The following SPRYD4 variants were observed in gnomAD, a reference collection of about 807,000 sequenced individuals.
SPRYD4 encodes the protein SPRY domain-containing protein 4.
Under a neutral mutation model 16.6 loss-of-function variants are expected in SPRYD4, and 12 were observed. The observed-to-expected ratio is 0.72, with a 90% CI of 0.46 to 1.17. SPRYD4 has a LOEUF of 1.17. Ranked by LOEUF, SPRYD4 falls within the 50% of genes most tolerant of loss-of-function variation. SPRYD4 has a pLI of 0.00. For missense variants in SPRYD4, 260 were observed against 260.2 expected (o/e 1.00, Z 0.00); for synonymous variants, 98 against 105.4 (o/e 0.93, Z 0.43).
rs913277121 is a variant in SPRYD4 at position 56,473,171 on chromosome 12, G to A, written c.*3594G>A. ...CTCAAAGTGCAGGGATTACAGGCGT[G>A]AGCCACCGCACCTGGCCTTTGAAAT... On this transcript the variant is annotated 3_prime_UTR_variant, in exon 2 of 2. Transcript: ENST00000338146. 3.3e-6 allele frequency: 5 copies of A among 1,519,142 alleles called. No homozygotes were observed. Among genetic ancestry groups the A allele is most frequent in the East Asian group, 2.3e-5 (1 of 44,348 alleles). 94.1% of individuals were successfully genotyped at this position (1,519,142 alleles called of 1,614,324 possible). A position where few individuals can be genotyped will look rare whatever the true frequency, so the allele number is the denominator to read the frequency against.
rs952399444 is a variant in SPRYD4 at position 56,472,885 on chromosome 12, C to CTT, written c.*3327_*3328dup. 0.016 allele frequency: 6,238 copies of CTT among 395,864 alleles called. No homozygotes were observed. The highest frequency in any genetic ancestry group is 0.028 in the South Asian group (1,027 of 36,578). The allele number at this position is 395,864 out of a possible 1,614,324, so 24.5% of individuals were successfully genotyped here. ...ATGGAATGTGCTACTCTGAAATATT[C>CTT]TTTTTTTTTTTTTTTTTTTTGAGAC... On this transcript the variant is annotated 3_prime_UTR_variant, in exon 2 of 2. Transcript: ENST00000338146.
In SPRYD4 at chr12:56,473,702, A is replaced by C; in HGVS notation, c.*4125A>C. 7.3e-7 allele frequency: 1 copy of C among 1,363,856 alleles called. No homozygotes were observed. The highest frequency in any genetic ancestry group is 9.8e-7 in the Non-Finnish European group (1 of 1,020,500). 84.5% of individuals were successfully genotyped at this position (1,363,856 alleles called of 1,614,324 possible). ...GTTTACAAATGACTGCATGACCACA[A>C]TCCACCTCAACCTTTTGGCTTGTTA... On this transcript the variant is annotated 3_prime_UTR_variant, in exon 2 of 2. Coordinates refer to ENST00000338146, the MANE Select transcript of SPRYD4 (RefSeq NM_207344.4).
Position 56,473,144 on chromosome 12 carries a change from C to G in SPRYD4, c.*3567C>G. The G allele has an allele frequency of 7.8e-7, 1 of 1,281,722 alleles. No homozygotes were observed. The highest frequency in any genetic ancestry group is 1.1e-6 in the Non-Finnish European group (1 of 890,106). 79.4% of individuals were successfully genotyped at this position (1,281,722 alleles called of 1,614,324 possible). On this transcript the variant is annotated 3_prime_UTR_variant, in exon 2 of 2. Transcript: ENST00000338146. ...GACCTTGTGATCCGCCCGCCTTGGC[C>G]TCTCAAAGTGCAGGGATTACAGGCG... is the stretch of plus-strand genomic sequence containing the variant.
chr12:56,475,709 C>T lies in SPRYD4; in HGVS notation c.*6132C>T. 6.2e-7 allele frequency: 1 copy of T among 1,613,322 alleles called. No homozygotes were observed. Among genetic ancestry groups the T allele is most frequent in the Non-Finnish European group, 8.5e-7 (1 of 1,179,292 alleles). ...TGGAAGAGAAAAAGGGACATTGAGGCTCCACTTGGTTAAGAAGCTCTATTA... is the reference window on the plus strand; with the variant it reads ...TGGAAGAGAAAAAGGGACATTGAGGTTCCACTTGGTTAAGAAGCTCTATTA... On this transcript the variant is annotated 3_prime_UTR_variant, in exon 2 of 2. Coordinates refer to ENST00000338146, the MANE Select transcript of SPRYD4 (RefSeq NM_207344.4).
Position 56,475,227 on chromosome 12 carries a change from C to T in SPRYD4, c.*5650C>T. 8 of 1,596,918 alleles carry T rather than the reference C, an allele frequency of 5.0e-6. No homozygotes were observed. Among genetic ancestry groups the T allele is most frequent in the Non-Finnish European group, 6.8e-6 (8 of 1,177,528 alleles). ...ATCACACCACAAACTAAATGAACCC[C>T]TTTATAACTTCTCACAGTAATATTA... On this transcript the variant is annotated 3_prime_UTR_variant, in exon 2 of 2. Transcript: ENST00000338146.
In SPRYD4 at chr12:56,477,527, C is replaced by G. The variant is rs1592277551; in HGVS notation, c.*7950C>G. On this transcript the variant is annotated 3_prime_UTR_variant, in exon 2 of 2. Transcript: ENST00000338146. ...TAACATGTGGGTCCCTGCTGTGCCTCATGTGCCTTCTGGGGACCCTCAAAG... is the reference window on the plus strand; with the variant it reads ...TAACATGTGGGTCCCTGCTGTGCCTGATGTGCCTTCTGGGGACCCTCAAAG... 2.4e-6 allele frequency: 2 copies of G among 838,662 alleles called. No homozygotes were observed. The highest frequency in any genetic ancestry group is 3.8e-6 in the Non-Finnish European group (2 of 520,608). 52.0% of individuals were successfully genotyped at this position (838,662 alleles called of 1,614,324 possible). A position where few individuals can be genotyped will look rare whatever the true frequency, so the allele number is the denominator to read the frequency against.
In SPRYD4 at chr12:56,479,405, GA is replaced by G. The variant is rs71446556; in HGVS notation, c.*9836del. ...AAAGACACTATGTCTTGGGATATGAGAAAAAAAATAAATACCAGAATAATAT... is the reference window on the plus strand; with the variant it reads ...AAAGACACTATGTCTTGGGATATGAGAAAAAAATAAATACCAGAATAATAT... On this transcript the variant is annotated 3_prime_UTR_variant, in exon 2 of 2. Transcript: ENST00000338146. 3.5e-5 allele frequency: 17 copies of G among 489,178 alleles called. No homozygotes were observed. Among genetic ancestry groups the G allele is most frequent in the Middle Eastern group, 5.4e-4 (1 of 1,846 alleles). 30.3% of individuals were successfully genotyped at this position (489,178 alleles called of 1,614,324 possible). A position where few individuals can be genotyped will look rare whatever the true frequency, so the allele number is the denominator to read the frequency against.
Position 56,478,762 on chromosome 12 carries a change from G to C in SPRYD4, c.*9185G>C, listed in dbSNP as rs1297340307. ...AATCCCAGCACTTTGGGAGGCCGAGGTGGGTGGATCACTTGAGATCAGGAG... is the reference window on the plus strand; with the variant it reads ...AATCCCAGCACTTTGGGAGGCCGAGCTGGGTGGATCACTTGAGATCAGGAG... On this transcript the variant is annotated 3_prime_UTR_variant, in exon 2 of 2. Transcript: ENST00000338146. 3.3e-6 allele frequency: 1 copy of C among 305,172 alleles called. No individual in the cohort carries two copies. Among genetic ancestry groups the C allele is most frequent in the African/African-American group, 2.2e-5 (1 of 45,734 alleles). The allele number at this position is 305,172 out of a possible 1,614,324, so 18.9% of individuals were successfully genotyped here.
chr12:56,477,597 A>G lies in SPRYD4; in HGVS notation c.*8020A>G. 1 of 1,501,638 alleles carries G rather than the reference A, an allele frequency of 6.7e-7. No homozygotes were observed. The highest frequency in any genetic ancestry group is 9.1e-7 in the Non-Finnish European group (1 of 1,094,302). The allele number at this position is 1,501,638 out of a possible 1,614,324, so 93.0% of individuals were successfully genotyped here. On this transcript the variant is annotated 3_prime_UTR_variant, in exon 2 of 2. Transcript: ENST00000338146. The stretch of plus-strand genomic sequence containing the variant: ...CTCCCTGGAGAGCTGAACAAATATG[A>G]GGGATACAGGAACACAGGAGCTTAG...
chr12:56,468,915 G>C, intron 1 of SPRYD4, 124 bp from the exon 2 acceptor site: 1 of 1,305,396 alleles, frequency 7.7e-7, no homozygotes, highest in Non-Finnish European at 1.0e-6. Flanking sequence ...TCTCTTGCCC[G>C]CTTGGCATTC....
rs1024699683 is a variant in SPRYD4, at chr12:56,479,239, T to C, written c.*9662T>C. 108 of 1,589,756 alleles carry C rather than the reference T, an allele frequency of 6.8e-5. No homozygotes were observed. Among genetic ancestry groups the C allele is most frequent in the Non-Finnish European group, 8.5e-5 (100 of 1,170,670 alleles). ...AGAGAAATGCAGCTGGGACTCACTC[T>C]GGAGCCACGGAAATTGGGAATAAAG... On this transcript the variant is annotated 3_prime_UTR_variant, in exon 2 of 2. Transcript: ENST00000338146.
At position 56,474,765 on chromosome 12, in the gene SPRYD4, A is replaced by G. The variant is rs759726611; in HGVS notation, c.*5188A>G. On this transcript the variant is annotated 3_prime_UTR_variant, in exon 2 of 2. Transcript: ENST00000338146. ...GTGAAGATGTGACGTGAACCTGCAC[A>G]TGGGACCCTCGGGTGTAGGGAAAGG... 5.0e-6 allele frequency: 8 copies of G among 1,611,782 alleles called. No homozygotes were observed. The Admixed American group carries it at 6.7e-5, about 13-fold the overall frequency.
At chr12:56,468,908 C>A (rs763042000) in intron 1 of SPRYD4, 131 bp from the exon 2 acceptor site, 2 of 1,269,472 alleles carry the variant, frequency 1.6e-6, no homozygotes, top group Admixed American at 5.5e-5. Flanking sequence ...TCGCGACTCT[C>A]TTGCCCGCTT....
In SPRYD4 at chr12:56,477,092, A is replaced by T. The variant is rs1869892546; in HGVS notation, c.*7515A>T. On this transcript the variant is annotated 3_prime_UTR_variant, in exon 2 of 2. Transcript: ENST00000338146. Reference sequence around the variant, plus strand: ...TGATACCTGAGTCCCTGAGGGGAGGATTCCTAACACCACCTTCCCCAGGAG... The same window carrying T: ...TGATACCTGAGTCCCTGAGGGGAGGTTTCCTAACACCACCTTCCCCAGGAG... The T allele has an allele frequency of 1.3e-5, 2 of 152,238 alleles. No homozygotes were observed. Among genetic ancestry groups the T allele is most frequent in the Non-Finnish European group, 2.9e-5 (2 of 68,140 alleles). The allele number at this position is 152,238 out of a possible 1,614,324, so 9.4% of individuals were successfully genotyped here. A position where few individuals can be genotyped will look rare whatever the true frequency, so the allele number is the denominator to read the frequency against.
In SPRYD4 at chr12:56,473,597, G is replaced by A. The variant is rs1013361734; in HGVS notation, c.*4020G>A. On this transcript the variant is annotated 3_prime_UTR_variant, in exon 2 of 2. Transcript: ENST00000338146. ...GCTGACTTGGCTGGCAGGCCCACCT[G>A]GGGAACAGAACTGAAGCTGAGGATA... The A allele has an allele frequency of 1.2e-6, 2 of 1,609,082 alleles. No homozygotes were observed. Among genetic ancestry groups the A allele is most frequent in the Admixed American group, 1.7e-5 (1 of 59,556 alleles).
In SPRYD4 at chr12:56,478,061, A is replaced by T; in HGVS notation, c.*8484A>T. 1.2e-6 allele frequency: 2 copies of T among 1,614,202 alleles called. No homozygotes were observed. The highest frequency in any genetic ancestry group is 1.7e-6 in the Non-Finnish European group (2 of 1,180,018). On this transcript the variant is annotated 3_prime_UTR_variant, in exon 2 of 2. Transcript: ENST00000338146. ...GGTGAGGGGCTTCACACAGGACTGC[A>T]GGCAGAAGGGGATCTTTGTGTGGCC...
rs1356216104 is a variant in SPRYD4 at position 56,469,595 on chromosome 12, T to C, written c.*18T>C. On this transcript the variant is annotated 3_prime_UTR_variant, in exon 2 of 2. Coordinates refer to ENST00000338146, the MANE Select transcript of SPRYD4 (RefSeq NM_207344.4). ...GCCTCTAGTATGTCCATTACTGGAG[T>C]CCCTAATCACGCCTTTGGCCAGCCT... The C allele has an allele frequency of 6.3e-7, 1 of 1,596,954 alleles. No individual in the cohort carries two copies. The highest frequency in any genetic ancestry group is 1.3e-5 in the African/African-American group (1 of 74,230).
At position 56,469,401 on chromosome 12, in the gene SPRYD4, A is replaced by T. The variant is rs1869141895; in HGVS notation, c.448A>T (p.Lys150Ter). 6.2e-7 allele frequency: 1 copy of T among 1,613,664 alleles called. No individual in the cohort carries two copies. The highest frequency in any genetic ancestry group is 1.3e-5 in the African/African-American group (1 of 74,790). Residue 150 changes from lysine to a stop codon, truncating the protein, a stop_gained, in exon 2 of 2, where the codon AAG (lysine) becomes TAG (stop). Coordinates refer to ENST00000338146, the MANE Select transcript of SPRYD4 (RefSeq NM_207344.4). LOFTEE classifies it high-confidence loss of function. ...APVEGIGQPE[K>*]VGLLLEYEAQ... is the part of the protein sequence containing the mutation. Reference sequence around the variant, plus strand: ...AGTTGAGGGTATTGGGCAGCCAGAGAAGGTGGGGCTGTTGCTGGAGTATGA... The same window carrying T: ...AGTTGAGGGTATTGGGCAGCCAGAGTAGGTGGGGCTGTTGCTGGAGTATGA...
At chr12:56,468,844 G>T (rs928940822) in intron 1 of SPRYD4, 168 bp downstream of exon 1, 2 of 1,025,710 alleles carry the variant, frequency 1.9e-6, no homozygotes, top group Admixed American at 2.8e-5. Context: ...TAAATTCCGG[G>T]ACTTACTCAA....
Sources: allele counts gnomAD v4.1 joint callset, GRCh38; gene constraint gnomAD v4.1.1; transcripts MANE v1.5; gene names NCBI Gene and HGNC (gene_info 2026-07-23, HGNC 2026-07-21).